Variants in JAZF1 observed in about 807,000 individuals in gnomAD.
JAZF1 encodes the protein juxtaposed with another zinc finger protein 1.
JAZF1 carries 8 observed loss-of-function variants against 26.4 expected under a neutral mutation model. That is an observed-to-expected ratio of 0.30 (90% CI 0.18 to 0.55). JAZF1 has a LOEUF of 0.55. JAZF1 is among the 20% of genes least tolerant of loss of function. The pLI, the probability that JAZF1 is intolerant of heterozygous loss-of-function variation, is 0.94. For synonymous variants in JAZF1, 126 were observed against 122.3 expected, an observed-to-expected ratio of 1.03 and a Z score of -0.20; for missense variants, 199 against 322.0, an observed-to-expected ratio of 0.62 and a Z score of 2.92.
rs149688291 is a variant in JAZF1 at position 28,012,136 on chromosome 7, A to G, written c.116-20155T>C. ...TTTTTCATTTAGAGTAATGATCTCC[A>G]GGAGTAAAAATAATATAATTATAAC... On this transcript the variant is annotated intron_variant, in intron 1 of 4. Transcript: ENST00000283928. Among the ~76,000 whole-genome samples, 480 of 152,346 alleles carry G rather than the reference A, an allele frequency of 3.2e-3. 5 individuals are homozygous for G. Among genetic ancestry groups the G allele is most frequent in the African/African-American group, 0.011 (465 of 41,576 alleles).
rs149902619 is a variant in JAZF1, at chr7:28,048,896, A to T, written c.116-56915T>A. ...AAACATGCTAAGGAAAAGAAGCCAG[A>T]CACCAAAGGCCCCATACTCCATGTT... is the stretch of plus-strand genomic sequence containing the variant. On this transcript the variant is annotated intron_variant, in intron 1 of 4. Transcript: ENST00000283928. Among the ~76,000 whole-genome samples, 597 of 152,288 alleles carry T rather than the reference A, an allele frequency of 3.9e-3. 5 individuals carry two copies. Among genetic ancestry groups the T allele is most frequent in the African/African-American group, 0.013 (544 of 41,554 alleles).
At chr7:28,091,121 C>T (rs746412535) in intron 1 of JAZF1, among the ~76,000 whole-genome samples, 34 of 152,106 alleles carry the variant, frequency 2.2e-4, no homozygotes, top group Non-Finnish European at 3.8e-4. Flanking sequence ...CCACCGCGCC[C>T]GGCCTTTTTT....
intron 1 of JAZF1, among the ~76,000 whole-genome samples, chr7:28,030,355 G>A (rs951046668): frequency 6.6e-6 from 1 of 152,194 alleles, no homozygotes; most frequent in Non-Finnish European, 1.5e-5. Context: ...TGCAGCCCAC[G>A]TTTACTGCCA....
At chr7:28,101,173 A>G (rs899350352) in intron 1 of JAZF1, among the ~76,000 whole-genome samples, 10 of 152,036 alleles carry the variant, frequency 6.6e-5, no homozygotes, top group African/African-American at 2.2e-4. Context: ...CCCTTTTTTT[A>G]TCCTCATCGT....
chr7:27,939,911 T>C (rs1784817018), intron 2 of JAZF1, among the ~76,000 whole-genome samples: 1 of 152,190 alleles, frequency 6.6e-6, no homozygotes, highest in Admixed American at 6.5e-5. Context: ...GCTTTCCTCT[T>C]TGCATGTAAG....
chr7:28,002,162 C>T (rs1782607032), intron 1 of JAZF1, among the ~76,000 whole-genome samples: 1 of 152,216 alleles, frequency 6.6e-6, no homozygotes, highest in South Asian at 2.1e-4. Flanking sequence ...AAAACCCCAA[C>T]TACCCTGATT....
At chr7:27,909,070 C>T (rs956075757) in intron 2 of JAZF1, among the ~76,000 whole-genome samples, 2 of 152,084 alleles carry the variant, frequency 1.3e-5, no homozygotes, top group Admixed American at 6.5e-5. Flanking sequence ...AGTACAGTGG[C>T]GTGATCATAG....
intron 1 of JAZF1, among the ~76,000 whole-genome samples, chr7:28,157,799 C>G (rs1332098010): frequency 6.6e-6 from 1 of 152,272 alleles, no homozygotes; most frequent in East Asian, 1.9e-4. Context: ...CACCTACATA[C>G]ACAAAATCAC....
intron 4 of JAZF1, among the ~76,000 whole-genome samples, chr7:27,837,026 A>G (rs1782826767): frequency 6.6e-6 from 1 of 152,094 alleles, no homozygotes; most frequent in Non-Finnish European, 1.5e-5. Context: ...TCATCATTAA[A>G]TGTTTCTCAG....
intron 1 of JAZF1, among the ~76,000 whole-genome samples, chr7:28,158,186 C>CACACAGAGAGAGAGAG (rs149643430): frequency 5.6e-4 from 81 of 143,426 alleles, no homozygotes; most frequent in Non-Finnish European, 1.0e-3. Flanking sequence ...CACACACACA[C>CACACAGAGAGAGAGAG]AGAGAGAGAG....
At chr7:28,006,331 T>C (rs758248850) in intron 1 of JAZF1, among the ~76,000 whole-genome samples, 13 of 152,024 alleles carry the variant, frequency 8.6e-5, no homozygotes, top group Non-Finnish European at 1.5e-4. Context: ...ACGGCACCAC[T>C]GCACTCCAGC....
intron 1 of JAZF1, among the ~76,000 whole-genome samples, chr7:28,165,603 A>G (rs753604621): frequency 1.3e-5 from 2 of 151,762 alleles, no homozygotes; most frequent in Non-Finnish European, 2.9e-5. Context: ...CACACCAGAT[A>G]CTCCAGTCTC....
At position 28,062,628 on chromosome 7, in the gene JAZF1, A is replaced by G. The variant is rs28407962; in HGVS notation, c.116-70647T>C. Reference sequence around the variant, plus strand: ...GTTGCCTGTGCCCCAAAGCCAGCAAACTTCTGTGACATCACAGGGAGCGAC... The same window carrying G: ...GTTGCCTGTGCCCCAAAGCCAGCAAGCTTCTGTGACATCACAGGGAGCGAC... On this transcript the variant is annotated intron_variant, in intron 1 of 4. Coordinates refer to ENST00000283928, the MANE Select transcript of JAZF1 (RefSeq NM_175061.4). 4.6e-5 allele frequency among the ~76,000 whole-genome samples: 7 copies of G among 151,976 alleles called. No individual in the cohort carries two copies. The East Asian group carries it at 1.4e-3, about 30-fold the overall frequency.
chr7:28,053,460 T>C (rs1054592983), intron 1 of JAZF1, among the ~76,000 whole-genome samples: 8 of 152,194 alleles, frequency 5.3e-5, no homozygotes, highest in Non-Finnish European at 1.0e-4. Context: ...CCATAAACAA[T>C]GCATAAGCTT....
At chr7:28,129,430 A>C (rs1782754360) in intron 1 of JAZF1, among the ~76,000 whole-genome samples, 2 of 152,046 alleles carry the variant, frequency 1.3e-5, no homozygotes, top group African/African-American at 4.8e-5. Context: ...AACATTGTTG[A>C]TTCATTTGGT....
intron 1 of JAZF1, among the ~76,000 whole-genome samples, chr7:28,025,142 G>A (rs1196199910): frequency 6.6e-6 from 1 of 151,984 alleles, no homozygotes; most frequent in African/African-American, 2.4e-5. Flanking sequence ...GAGTGTCCAG[G>A]GCTGTTACTG....
At chr7:28,168,664 G>C (rs942260146) in intron 1 of JAZF1, among the ~76,000 whole-genome samples, 5 of 152,140 alleles carry the variant, frequency 3.3e-5, no homozygotes, top group Non-Finnish European at 7.4e-5. Context: ...GCCCTGGTTT[G>C]AGCATTTGTA....
intron 1 of JAZF1, among the ~76,000 whole-genome samples, chr7:28,058,284 G>C (rs754263703): frequency 6.6e-6 from 1 of 152,210 alleles, no homozygotes; most frequent in African/African-American, 2.4e-5. Flanking sequence ...TCTAAGGAAA[G>C]CTCACTTTTT....
rs1782734345 is a variant in JAZF1 at position 27,832,920 on chromosome 7, G to A, written c.612C>T (p.Val204=). Residue 204 remains valine, a synonymous_variant, in exon 5 of 5, where the codon GTC becomes GTT. Transcript: ENST00000283928. ...AKNGHRTQIR[V]RKPFKCRCGK... ...CACAGCGACACTTGAATGGTTTGCG[G>A]ACACGAATCTGTGTTCTGTGACCAT... is the stretch of plus-strand genomic sequence containing the variant. 6.2e-7 allele frequency: 1 copy of A among 1,613,160 alleles called. No homozygotes were observed. Among genetic ancestry groups the A allele is most frequent in the South Asian group, 1.1e-5 (1 of 90,986 alleles).
Sources: gnomAD v4.1 joint callset for allele counts (sites outside exome capture counted in the v4.1 genomes callset) on GRCh38, gnomAD v4.1.1 for gene constraint, MANE v1.5 for transcripts, NCBI Gene and HGNC (gene_info 2026-07-23, HGNC 2026-07-21) for gene names.